The following CHL1 variants were observed in gnomAD, a reference collection of about 807,000 sequenced individuals.
CHL1 encodes neural cell adhesion molecule L1-like protein.
CHL1 carries 96 observed loss-of-function variants against 141.9 expected under a neutral mutation model. That is an observed-to-expected ratio of 0.68 (90% confidence interval 0.57 to 0.80). CHL1 has a LOEUF of 0.80. Ranked by LOEUF, CHL1 falls within the 30% of genes least tolerant of loss-of-function variation. The pLI is 0.00. For missense variants in CHL1, 1,820 were observed against 1,457.2 expected (o/e 1.25, Z -4.05); for synonymous variants, 613 against 502.2 (o/e 1.22, Z -2.95).
intron 16 of CHL1, among the ~76,000 whole-genome samples, chr3:380,887 A>G (rs893052551): frequency 2.0e-5 from 3 of 152,208 alleles, no homozygotes; most frequent in Admixed American, 6.5e-5. Flanking sequence ...TTTATGTGTG[A>G]GGCACTGTGG....
intron 15 of CHL1, among the ~76,000 whole-genome samples, chr3:372,988 G>A (rs1705840979): frequency 6.6e-6 from 1 of 152,082 alleles, no homozygotes; most frequent in African/African-American, 2.4e-5. Context: ...CCTTCTTGTG[G>A]GATCTCAGAC....
chr3:277,113 T>C (rs1559370313), intron 2 of CHL1, among the ~76,000 whole-genome samples: 1 of 152,150 alleles, frequency 6.6e-6, no homozygotes, highest in Non-Finnish European at 1.5e-5. Flanking sequence ...CAGTGCCTGA[T>C]ACACAATATG....
intron 3 of CHL1, among the ~76,000 whole-genome samples, chr3:320,584 G>T (rs543301510): frequency 5.3e-5 from 8 of 152,206 alleles, no homozygotes; most frequent in African/African-American, 1.7e-4. Flanking sequence ...CTATTTAGGA[G>T]TCTGAGGCAG....
intron 16 of CHL1, among the ~76,000 whole-genome samples, chr3:380,964 G>T (rs1295560065): frequency 6.6e-6 from 1 of 152,166 alleles, no homozygotes; most frequent in Non-Finnish European, 1.5e-5. Context: ...AAACAAATAT[G>T]TACTGGACAA....
chr3:370,637 T>C (rs1056541647), intron 15 of CHL1, among the ~76,000 whole-genome samples: 2 of 152,112 alleles, frequency 1.3e-5, no homozygotes, highest in African/African-American at 4.8e-5. Context: ...GTTTCTCTTG[T>C]CTTCTGCTAG....
chr3:200,162 A>G (rs1698784052), intron 1 of CHL1, among the ~76,000 whole-genome samples: 1 of 152,182 alleles, frequency 6.6e-6, no homozygotes, highest in Non-Finnish European at 1.5e-5. Flanking sequence ...TTTGCCCTTT[A>G]ATTTATGACA....
At chr3:207,345 CTT>C (rs1395626545) in intron 1 of CHL1, among the ~76,000 whole-genome samples, 1 of 152,160 alleles carries the variant, frequency 6.6e-6, no homozygotes, top group Non-Finnish European at 1.5e-5. Context: ...TTCTATAAAG[CTT>C]TTGTTTGACC....
At chr3:394,597 T>G in intron 23 of CHL1, 96 bp from the exon 24 acceptor site, 1 of 857,062 alleles carries the variant, frequency 1.2e-6, no homozygotes, top group Non-Finnish European at 1.8e-6. Flanking sequence ...TAATGTATCT[T>G]TACGTACCAC....
chr3:318,264 T>C (rs1182814714), intron 2 of CHL1, among the ~76,000 whole-genome samples: 1 of 151,892 alleles, frequency 6.6e-6, no homozygotes, highest in Non-Finnish European at 1.5e-5. Context: ...GTCTATAATA[T>C]CTTAAGATGC....
intron 8 of CHL1, 51 bp downstream of exon 8, chr3:343,082 T>C: frequency 6.9e-7 from 1 of 1,439,060 alleles, no homozygotes; most frequent in Non-Finnish European, 9.4e-7. Context: ...CTCATTGTCA[T>C]CTCAGATTTT....
At position 408,356 on chromosome 3, in the gene CHL1, G is replaced by A. The variant is rs1466163359; in HGVS notation, c.*2645G>A. On this transcript the variant is annotated 3_prime_UTR_variant, in exon 28 of 28. Coordinates refer to ENST00000256509, the MANE Select transcript of CHL1 (RefSeq NM_006614.4). ...GGTGGGCATGAGTTCCTAGAGAACTGTCCAAGGGTTGGGAAAATCCAAATT... is the reference window on the plus strand; with the variant it reads ...GGTGGGCATGAGTTCCTAGAGAACTATCCAAGGGTTGGGAAAATCCAAATT... 6.6e-6 allele frequency: 1 copy of A among 152,060 alleles called. No homozygotes were observed. The highest frequency in any genetic ancestry group is 1.5e-5 in the Non-Finnish European group (1 of 67,986). 9.4% of individuals were successfully genotyped at this position (152,060 alleles called of 1,614,324 possible). A position where few individuals can be genotyped will look rare whatever the true frequency, so the allele number is the denominator to read the frequency against.
Position 408,797 on chromosome 3 carries a change from T to C in CHL1, c.*3086T>C, listed in dbSNP as rs1478947849. On this transcript the variant is annotated 3_prime_UTR_variant, in exon 28 of 28. Coordinates refer to ENST00000256509, the MANE Select transcript of CHL1 (RefSeq NM_006614.4). ...GTGTTTTCCACTAATTTTGCATGCGTATTTATAAGAAAAATGTGAATTTGG... is the reference window on the plus strand; with the variant it reads ...GTGTTTTCCACTAATTTTGCATGCGCATTTATAAGAAAAATGTGAATTTGG... 6.6e-6 allele frequency: 1 copy of C among 152,154 alleles called. No individual in the cohort carries two copies. Among genetic ancestry groups the C allele is most frequent in the African/African-American group, 2.4e-5 (1 of 41,456 alleles). The allele number at this position is 152,154 out of a possible 1,614,324, so 9.4% of individuals were successfully genotyped here.
In CHL1 at chr3:390,744, C is replaced by G. The variant is rs536905194; in HGVS notation, c.2514C>G (p.Asn838Lys). ...TGATCCATGGGGTGGACGTTATAAA[C>G]AGTACATTAGTTAAAGTTACCTGGT... ...APVIHGVDVI[N>K]STLVKVTWST... Residue 838 changes from asparagine (N) to lysine (K), a missense_variant, in exon 21 of 28, where the codon AAC becomes AAG. Physicochemically the swap from Asn to Lys is moderately conservative, Grantham distance 94. Transcript: ENST00000256509. The G allele has an allele frequency of 6.2e-7, 1 of 1,610,926 alleles. No homozygotes were observed. The highest frequency in any genetic ancestry group is 8.5e-7 in the Non-Finnish European group (1 of 1,177,126).
At chr3:386,046 T>C (rs968600305) in intron 19 of CHL1, among the ~76,000 whole-genome samples, 5 of 152,050 alleles carry the variant, frequency 3.3e-5, no homozygotes, top group African/African-American at 1.2e-4. Context: ...ATTCATTCAC[T>C]GAGTATGGTT....
chr3:261,208 C>A (rs927613717), intron 2 of CHL1, among the ~76,000 whole-genome samples: 1 of 152,074 alleles, frequency 6.6e-6, no homozygotes, highest in Non-Finnish European at 1.5e-5. Context: ...GTGAAGCCAG[C>A]CCCTGATCTG....
chr3:237,825 T>G (rs79938237), intron 1 of CHL1, among the ~76,000 whole-genome samples: 2,330 of 152,270 alleles, frequency 0.015, 52 homozygotes, highest in African/African-American at 0.054. Context: ...TGATGTTTAG[T>G]GGAGAGTCAA....
intron 1 of CHL1, chr3:217,679 G>T (rs898282228): frequency 6.6e-6 from 1 of 152,414 alleles, no homozygotes; most frequent in Non-Finnish European, 1.5e-5. Flanking sequence ...CAGTGAGTGT[G>T]GGAGAAACCA....
intron 15 of CHL1, among the ~76,000 whole-genome samples, chr3:367,908 C>A (rs1705112812): frequency 6.6e-6 from 1 of 152,142 alleles, no homozygotes; most frequent in Non-Finnish European, 1.5e-5. Context: ...TCATCCATGT[C>A]CCTGAAAAGG....
At chr3:296,790 T>C (rs914575912) in intron 2 of CHL1, among the ~76,000 whole-genome samples, 1 of 152,230 alleles carries the variant, frequency 6.6e-6, no homozygotes, top group African/African-American at 2.4e-5. Flanking sequence ...GGGGAAAATA[T>C]AGACTTGAAT....
Sources: allele counts gnomAD v4.1 joint callset (sites outside exome capture counted in the v4.1 genomes callset), GRCh38; gene constraint gnomAD v4.1.1; transcripts MANE v1.5; gene names NCBI Gene and HGNC (gene_info 2026-07-23, HGNC 2026-07-21).